PARD3B: variants seen among roughly 807,000 people sequenced by gnomAD.
PARD3B encodes the protein par-3 family cell polarity regulator beta.
Under a neutral mutation model 130.2 loss-of-function variants are expected in PARD3B, and 103 were observed. That is an observed-to-expected ratio of 0.79 (90% confidence interval 0.67 to 0.93). The LOEUF (loss-of-function observed/expected upper bound fraction) is 0.93. Among genes scored for constraint, PARD3B ranks in the 40% least tolerant of loss-of-function variants. The pLI, the probability that PARD3B is intolerant of heterozygous loss-of-function variation, is 0.00. For missense variants in PARD3B, 1,609 were observed against 1,499.2 expected, an observed-to-expected ratio of 1.07 and a Z score of -1.21; for synonymous variants, 583 against 553.2, an observed-to-expected ratio of 1.05 and a Z score of -0.76.
intron 1 of PARD3B, among the ~76,000 whole-genome samples, chr2:204,558,964 G>T (rs548416128): frequency 1.8e-4 from 28 of 152,306 alleles, no homozygotes; most frequent in African/African-American, 6.5e-4. Context: ...TTTAATAAAT[G>T]GTGCTGGGAA....
At chr2:204,870,260 A>G (rs1036513176) in intron 2 of PARD3B, among the ~76,000 whole-genome samples, 1 of 152,202 alleles carries the variant, frequency 6.6e-6, no homozygotes, top group African/African-American at 2.4e-5. Context: ...AGTGCTGAGC[A>G]TGACAATTAA....
intron 18 of PARD3B, among the ~76,000 whole-genome samples, chr2:205,389,905 TC>T (rs2045791152): frequency 6.6e-6 from 1 of 152,200 alleles, no homozygotes; most frequent in Non-Finnish European, 1.5e-5. Flanking sequence ...AAATTTGAGT[TC>T]TGTTGAATTG....
chr2:204,723,307 G>A (rs541146614), intron 2 of PARD3B, among the ~76,000 whole-genome samples: 7 of 152,142 alleles, frequency 4.6e-5, no homozygotes, highest in East Asian at 3.9e-4. Context: ...ATTCATAAAC[G>A]ATTCAAATCA....
At chr2:205,350,937 A>G (rs1372237065) in intron 18 of PARD3B, among the ~76,000 whole-genome samples, 2 of 152,156 alleles carry the variant, frequency 1.3e-5, no homozygotes, top group Admixed American at 1.3e-4. Context: ...ACTTAGTTCA[A>G]GTTATGCTAA....
intron 18 of PARD3B, among the ~76,000 whole-genome samples, chr2:205,335,920 C>T (rs551873381): frequency 6.6e-6 from 1 of 152,262 alleles, no homozygotes; most frequent in Admixed American, 6.5e-5. Flanking sequence ...GTAAGAACAG[C>T]ACAAGTAAGA....
chr2:205,090,243 G>T lies in PARD3B; in HGVS notation c.505-14183G>T, dbSNP rs928908320. Among the ~76,000 whole-genome samples the T allele has an allele frequency of 3.9e-5, 6 of 152,208 alleles. No homozygotes were observed. The South Asian group carries it at 8.3e-4, about 21-fold the overall frequency. On this transcript the variant is annotated intron_variant, in intron 4 of 22. Coordinates refer to ENST00000406610, the MANE Select transcript of PARD3B (RefSeq NM_001302769.2). ...TGTGGGAGAAACCTTAATGTAACTG[G>T]AGTGAAATGAAAATCTCTGTTTTGT...
intron 18 of PARD3B, among the ~76,000 whole-genome samples, chr2:205,314,512 G>A (rs1044436907): frequency 6.6e-6 from 1 of 152,152 alleles, no homozygotes; most frequent in Non-Finnish European, 1.5e-5. Flanking sequence ...ACATGAGATG[G>A]TTCCTAATGA....
chr2:204,857,217 T>C (rs1355511351), intron 2 of PARD3B, among the ~76,000 whole-genome samples: 3 of 152,194 alleles, frequency 2.0e-5, no homozygotes, highest in Admixed American at 6.6e-5. Context: ...GTTAATATCA[T>C]TCAGATTCAT....
chr2:205,035,356 C>A (rs145591169), intron 3 of PARD3B, among the ~76,000 whole-genome samples: 7 of 152,180 alleles, frequency 4.6e-5, no homozygotes, highest in African/African-American at 1.4e-4. Flanking sequence ...GTCTTACTAG[C>A]GTGGGAATTT....
At chr2:205,245,037 A>G (rs1264618653) in intron 15 of PARD3B, among the ~76,000 whole-genome samples, 2 of 152,200 alleles carry the variant, frequency 1.3e-5, no homozygotes, top group East Asian at 1.9e-4. Context: ...TGAAGATAGT[A>G]TTGCTCTTTC....
chr2:204,801,338 A>G (rs928373318), intron 2 of PARD3B, among the ~76,000 whole-genome samples: 1 of 152,192 alleles, frequency 6.6e-6, no homozygotes, highest in Admixed American at 6.5e-5. Context: ...GGTTCTTCCT[A>G]TTCATGAGCA....
intron 2 of PARD3B, among the ~76,000 whole-genome samples, chr2:204,833,430 G>C (rs891140159): frequency 6.6e-6 from 1 of 151,972 alleles, no homozygotes; most frequent in Admixed American, 6.6e-5. Context: ...ATTTAACCCA[G>C]ACATCTCTTG....
intron 20 of PARD3B, among the ~76,000 whole-genome samples, chr2:205,492,844 A>G (rs1358542505): frequency 6.6e-6 from 1 of 152,154 alleles, no homozygotes; most frequent in African/African-American, 2.4e-5. Context: ...ATATATGGGC[A>G]CACTATATAA....
Position 205,446,251 on chromosome 2 carries a change from T to C in PARD3B, c.3044+5579T>C, listed in dbSNP as rs2047903367. ...AGGTTGGCCGGCCTTGACGAAGAGT[T>C]TGGACTCTATCCTGAGGGAGGTGGG... On this transcript the variant is annotated intron_variant, in intron 20 of 22. Coordinates refer to ENST00000406610, the MANE Select transcript of PARD3B (RefSeq NM_001302769.2). This position sits in a 1 kb window ranked among gnomAD's most constrained non-coding sequence, Gnocchi z 4.4. Among the ~76,000 whole-genome samples, 1 of 152,030 alleles carries C rather than the reference T, an allele frequency of 6.6e-6. No homozygotes were observed. Among genetic ancestry groups the C allele is most frequent in the Non-Finnish European group, 1.5e-5 (1 of 68,000 alleles).
Position 205,585,021 on chromosome 2 carries a change from C to T in PARD3B, c.3261-30435C>T, listed in dbSNP as rs1463486925. Among the ~76,000 whole-genome samples, 1 of 152,282 alleles carries T rather than the reference C, an allele frequency of 6.6e-6. No individual in the cohort carries two copies. The highest frequency in any genetic ancestry group is 2.1e-4 in the South Asian group (1 of 4,818). On this transcript the variant is annotated intron_variant, in intron 22 of 22. Transcript: ENST00000406610. This position sits in a 1 kb window ranked among gnomAD's most constrained non-coding sequence, Gnocchi z 5.4. Reference sequence around the variant, plus strand: ...CCACAAATGACCGTTTGACAGGCACCACTCATTGTGCACACCCGCTGATTA... The same window carrying T: ...CCACAAATGACCGTTTGACAGGCACTACTCATTGTGCACACCCGCTGATTA...
At chr2:205,476,344 C>CT (rs945288719) in intron 20 of PARD3B, among the ~76,000 whole-genome samples, 1 of 152,064 alleles carries the variant, frequency 6.6e-6, no homozygotes, top group Non-Finnish European at 1.5e-5. Flanking sequence ...GTGAAGTTTC[C>CT]TTTTTTTCAT....
At chr2:205,554,981 T>G (rs909601091) in intron 22 of PARD3B, among the ~76,000 whole-genome samples, 3 of 110,836 alleles carry the variant, frequency 2.7e-5, no homozygotes, top group Non-Finnish European at 4.7e-5. Flanking sequence ...TGGGGAATCA[T>G]CCCCAAGGGA....
At chr2:204,957,036 G>A (rs568812901) in intron 2 of PARD3B, among the ~76,000 whole-genome samples, 34 of 152,236 alleles carry the variant, frequency 2.2e-4, no homozygotes, top group African/African-American at 7.7e-4. Context: ...TCCCCTTTGT[G>A]TATTAGATGT....
intron 3 of PARD3B, among the ~76,000 whole-genome samples, chr2:205,036,966 C>T (rs946018550): frequency 2.8e-5 from 4 of 140,842 alleles, no homozygotes; most frequent in Non-Finnish European, 6.2e-5. Flanking sequence ...ACATATATAG[C>T]GGACTGTATA....
Sources: allele counts gnomAD v4.1 joint callset (sites outside exome capture counted in the v4.1 genomes callset), GRCh38; gene constraint gnomAD v4.1.1; non-coding constraint Gnocchi (gnomAD v3.1); transcripts MANE v1.5; gene names NCBI Gene and HGNC (gene_info 2026-07-23, HGNC 2026-07-21).